TENM2: variants seen among roughly 807,000 people sequenced by gnomAD.
The protein encoded by TENM2 is teneurin transmembrane protein 2, also known as teneurin-2.
A neutral mutation model predicts 245.2 loss-of-function variants in TENM2; 52 were observed. The observed-to-expected ratio is 0.21, with a 90% confidence interval of 0.17 to 0.27. The LOEUF is 0.27. TENM2 is among the 10% of genes least tolerant of loss of function. The pLI is 1.00. For missense variants in TENM2, 3,046 were observed against 3,666.8 expected (o/e 0.83, Z 4.37); for synonymous variants, 1,363 against 1,438.9 (o/e 0.95, Z 1.19).
chr5:168,129,855 C>G (rs1377251257), intron 12 of TENM2: 1 of 152,142 alleles, frequency 6.6e-6, no homozygotes, highest in Non-Finnish European at 1.5e-5. Flanking sequence ...CCAAGCACAG[C>G]CTCAAATGCT....
At chr5:168,262,525 C>G in exon 29 of TENM2, 1 of 1,556,274 alleles carries the variant, frequency 6.4e-7, no homozygotes, top group Non-Finnish European at 8.7e-7. Context: ...TCAGCATCCG[C>G]TATGGCCTCA....
the TENM2 span, among the ~76,000 whole-genome samples, chr5:167,082,024 T>C: frequency 6.6e-6 from 1 of 152,302 alleles, no homozygotes; most frequent in South Asian, 2.1e-4. Context: ...GCTCTTAAAC[T>C]CGACAGCTCT....
chr5:167,667,975 G>C (rs1305972557), intron 2 of TENM2, among the ~76,000 whole-genome samples: 3 of 152,176 alleles, frequency 2.0e-5, no homozygotes, highest in Non-Finnish European at 4.4e-5. Context: ...TTTGAAGTTT[G>C]TTTCTTGCCT....
chr5:167,083,515 T>A, the TENM2 span, among the ~76,000 whole-genome samples: 18 of 152,136 alleles, frequency 1.2e-4, no homozygotes, highest in Non-Finnish European at 2.2e-4. Context: ...GGGGCTGACA[T>A]AGGAAAAGGG....
At chr5:167,989,548 G>A (rs1374092236) in intron 4 of TENM2, among the ~76,000 whole-genome samples, 1 of 152,156 alleles carries the variant, frequency 6.6e-6, no homozygotes, top group Non-Finnish European at 1.5e-5. Flanking sequence ...AGAGAGCCAT[G>A]GTTCCATGTT....
intron 2 of TENM2, among the ~76,000 whole-genome samples, chr5:167,381,172 G>C (rs944385881): frequency 6.6e-6 from 1 of 152,056 alleles, no homozygotes; most frequent in African/African-American, 2.4e-5. Flanking sequence ...AAAATTTCAG[G>C]TATTAATAAT....
chr5:167,512,052 C>A (rs564210913), intron 2 of TENM2, among the ~76,000 whole-genome samples: 1 of 152,158 alleles, frequency 6.6e-6, no homozygotes, highest in African/African-American at 2.4e-5. Flanking sequence ...ATAGTTTGAA[C>A]ACATAGGGAA....
intron 2 of TENM2, among the ~76,000 whole-genome samples, chr5:167,596,609 T>C (rs899522395): frequency 1.3e-5 from 2 of 151,982 alleles, no homozygotes; most frequent in African/African-American, 4.8e-5. Flanking sequence ...CTGGCTAACG[T>C]GGTGAAACAC....
At chr5:167,992,958 A>G in exon 5 of TENM2, 2 of 1,613,932 alleles carry the variant, frequency 1.2e-6, no homozygotes, top group Non-Finnish European at 8.5e-7. Context: ...TTCCTCTTCA[A>G]GACCTCCTCG....
In TENM2 at chr5:168,112,547, C is replaced by T. The variant is rs539019305; in HGVS notation, c.1814-5745C>T. ...CCATGTCCCTGCAAAGGACATGATC[C>T]CATTCCTTTTTATTGCTGCATAGTA... On this transcript the variant is annotated intron_variant, in intron 9 of 28. Coordinates refer to ENST00000518659, the Ensembl canonical transcript of TENM2. 6.1e-5 allele frequency among the ~76,000 whole-genome samples: 8 copies of T among 131,008 alleles called. No homozygotes were observed. In the East Asian group the frequency reaches 1.8e-3, roughly 29 times the overall value. 85.9% of individuals were successfully genotyped at this position (131,008 alleles called of 152,430 possible). A position where few individuals can be genotyped will look rare whatever the true frequency, so the allele number is the denominator to read the frequency against.
intron 4 of TENM2, among the ~76,000 whole-genome samples, chr5:167,980,106 G>A (rs1318402396): frequency 1.3e-5 from 2 of 152,194 alleles, no homozygotes; most frequent in Admixed American, 6.5e-5. Flanking sequence ...AGATACAATG[G>A]TGAGGAAGAA....
intron 1 of TENM2, chr5:167,297,508 C>T (rs1356977292): frequency 6.6e-6 from 1 of 152,128 alleles, no homozygotes; most frequent in East Asian, 1.9e-4. Context: ...TTAATTGATC[C>T]AACGTCTTCA....
At chr5:167,242,254 T>C in the TENM2 span, among the ~76,000 whole-genome samples, 5 of 152,208 alleles carry the variant, frequency 3.3e-5, no homozygotes, top group Admixed American at 2.0e-4. Flanking sequence ...TTCCCCATGT[T>C]GGCCAGGCTG....
At chr5:167,259,399 T>C in the TENM2 span, among the ~76,000 whole-genome samples, 23 of 152,306 alleles carry the variant, frequency 1.5e-4, no homozygotes, top group Admixed American at 3.3e-4. Flanking sequence ...TCATGTGTAA[T>C]TTCCTAGTTT....
At chr5:167,290,410 T>C (rs1476922855) in intron 1 of TENM2, among the ~76,000 whole-genome samples, 1 of 152,206 alleles carries the variant, frequency 6.6e-6, no homozygotes, top group East Asian at 1.9e-4. Context: ...ATCTTTCTTT[T>C]AATAAGTGCT....
the TENM2 span, among the ~76,000 whole-genome samples, chr5:167,230,599 A>G: frequency 6.6e-6 from 1 of 152,096 alleles, no homozygotes; most frequent in African/African-American, 2.4e-5. Context: ...CAGTAGATAC[A>G]TTTTAAAAAT....
chr5:168,198,188 CTTTTTTTTTTTT>C (rs35539116), intron 15 of TENM2, among the ~76,000 whole-genome samples: 1 of 95,834 alleles, frequency 1.0e-5, no homozygotes, highest in Non-Finnish European at 1.9e-5. Context: ...CCAATGAACC[CTTTTTTTTTTTT>C]TTTTTTTTTT....
At chr5:167,754,182 T>G (rs75792789) in intron 2 of TENM2, among the ~76,000 whole-genome samples, 4,797 of 152,266 alleles carry the variant, frequency 0.032, 266 homozygotes, top group African/African-American at 0.11. Flanking sequence ...CCCTATAAGA[T>G]ACTGCACCTT....
At chr5:167,439,399 G>T (rs1764759214) in intron 2 of TENM2, among the ~76,000 whole-genome samples, 1 of 152,110 alleles carries the variant, frequency 6.6e-6, no homozygotes, top group Admixed American at 6.5e-5. Context: ...ACTGTTAAGG[G>T]CACCAAATTC....
Sources: allele counts gnomAD v4.1 joint callset (sites outside exome capture counted in the v4.1 genomes callset), GRCh38; gene constraint gnomAD v4.1.1; transcripts MANE v1.5; gene names NCBI Gene and HGNC (gene_info 2026-07-23, HGNC 2026-07-21).